FTO: variants seen among roughly 807,000 people sequenced by gnomAD.
The protein encoded by FTO is alpha-ketoglutarate-dependent dioxygenase FTO.
In FTO, 47 loss-of-function variants were observed where a neutral mutation model predicts 63.9. The ratio of observed to expected loss-of-function variants is 0.74; its 90% CI spans 0.58 to 0.94. FTO has a LOEUF of 0.94. Among genes scored for constraint, FTO ranks in the 40% least tolerant of loss-of-function variants. FTO has a pLI of 0.00. For synonymous variants in FTO, 207 were observed against 224.4 expected (o/e 0.92, Z 0.69); for missense variants, 562 against 618.1 (o/e 0.91, Z 0.96).
chr16:53,892,700 C>T (rs911590276), intron 7 of FTO, among the ~76,000 whole-genome samples: 1 of 152,066 alleles, frequency 6.6e-6, no homozygotes, highest in African/African-American at 2.4e-5. Flanking sequence ...AATAAAAAAC[C>T]TCAGGGAATA....
intron 1 of FTO, among the ~76,000 whole-genome samples, chr16:53,719,353 C>T (rs1298169032): frequency 6.6e-6 from 1 of 151,384 alleles, no homozygotes; most frequent in African/African-American, 2.4e-5. Flanking sequence ...TGCTTCAGCC[C>T]CCCGAGTAGC....
chr16:53,990,145 C>G (rs941421307), intron 8 of FTO, among the ~76,000 whole-genome samples: 1 of 152,012 alleles, frequency 6.6e-6, no homozygotes, highest in Non-Finnish European at 1.5e-5. Flanking sequence ...TGCAGGGGGT[C>G]GAGTGCCCCA....
rs2082513578 is a variant in FTO, at chr16:53,940,893, TCCCA to T, written c.1364+6785_1364+6788del. 1.7e-4 allele frequency among the ~76,000 whole-genome samples: 8 copies of T among 47,770 alleles called. No homozygotes were observed. In the Admixed American group the frequency reaches 1.8e-3, roughly 10 times the overall value. 31.3% of individuals were successfully genotyped at this position (47,770 alleles called of 152,430 possible). Reference sequence around the variant, plus strand: ...TTTCTATTCTCTGTGACCCCAGCCATCCCATCACCACCTACCCCCAGAATGGATC... The same window carrying T: ...TTTCTATTCTCTGTGACCCCAGCCATTCACCACCTACCCCCAGAATGGATC... On this transcript the variant is annotated intron_variant, in intron 8 of 8. Coordinates refer to ENST00000471389, the MANE Select transcript of FTO (RefSeq NM_001080432.3).
At chr16:53,891,301 G>GT (rs140490547) in intron 7 of FTO, among the ~76,000 whole-genome samples, 6,155 of 149,828 alleles carry the variant, frequency 0.041, 176 homozygotes, top group Middle Eastern at 0.09. Flanking sequence ...CCTTGATTTT[G>GT]TTTTTTAAAA....
chr16:53,750,909 C>G (rs572348734), intron 1 of FTO, among the ~76,000 whole-genome samples: 1 of 152,156 alleles, frequency 6.6e-6, no homozygotes, highest in East Asian at 1.9e-4. Flanking sequence ...AAACAAATTA[C>G]GAAGGTTGTA....
At chr16:53,775,621 G>A (rs1258312604) in intron 1 of FTO, among the ~76,000 whole-genome samples, 1 of 152,084 alleles carries the variant, frequency 6.6e-6, no homozygotes, top group Non-Finnish European at 1.5e-5. Flanking sequence ...TTGACTTTCA[G>A]GACCTTCCAT....
chr16:53,824,358 T>G (rs1280816413), intron 2 of FTO, among the ~76,000 whole-genome samples: 1 of 152,212 alleles, frequency 6.6e-6, no homozygotes, highest in Non-Finnish European at 1.5e-5. Context: ...GGTCTGTCTT[T>G]CTGGGAAGCA....
intron 7 of FTO, among the ~76,000 whole-genome samples, chr16:53,932,004 G>A (rs1050866555): frequency 2.6e-5 from 4 of 152,236 alleles, no homozygotes; most frequent in Admixed American, 2.0e-4. Context: ...TCTGAATAGT[G>A]CGTGCCTTTT....
chr16:53,810,178 C>G lies in FTO; in HGVS notation c.84C>G (p.Leu28=). ...RLLEELEDTW[L]PYLTPKDDEF... ...TTGAAGAGCTTGAAGACACTTGGCT[C>G]CCTTATCTGACCCCCAAAGATGATG... The change falls in exon 2 of 9, where the codon CTC becomes CTG. Residue 28 remains leucine (L), a synonymous_variant. Coordinates refer to ENST00000471389, the MANE Select transcript of FTO (RefSeq NM_001080432.3). The G allele has an allele frequency of 6.2e-7, 1 of 1,611,666 alleles. No homozygotes were observed. The highest frequency in any genetic ancestry group is 8.5e-7 in the Non-Finnish European group (1 of 1,178,344).
At chr16:53,751,960 A>T (rs1233644328) in intron 1 of FTO, among the ~76,000 whole-genome samples, 1 of 152,194 alleles carries the variant, frequency 6.6e-6, no homozygotes, top group Non-Finnish European at 1.5e-5. Context: ...AACAAAATTG[A>T]CTTATAGTCA....
chr16:54,011,432 C>A (rs1567515493), intron 8 of FTO, among the ~76,000 whole-genome samples: 1 of 152,132 alleles, frequency 6.6e-6, no homozygotes, highest in Non-Finnish European at 1.5e-5. Flanking sequence ...GAAAGCAGGA[C>A]CCTATATCTA....
rs545233305 is a variant in FTO, at chr16:53,876,419, G to GA, written c.975+2561dup. ...GACATCAAAAGCATAAACAACTGAA[G>GA]AAAAAAACAGATAAATTGGCCTTCA... On this transcript the variant is annotated intron_variant, in intron 5 of 8. Transcript: ENST00000471389. 2.5e-3 allele frequency among the ~76,000 whole-genome samples: 378 copies of GA among 152,036 alleles called. 2 individuals are homozygous for GA. The highest frequency in any genetic ancestry group is 8.3e-3 in the African/African-American group (344 of 41,484).
chr16:53,916,438 A>G (rs1342616639), intron 7 of FTO, among the ~76,000 whole-genome samples: 1 of 152,252 alleles, frequency 6.6e-6, no homozygotes, highest in Non-Finnish European at 1.5e-5. Context: ...AATTAAAAAA[A>G]TAAATTTGTA....
At chr16:54,051,368 G>A (rs183862840) in intron 8 of FTO, among the ~76,000 whole-genome samples, 17 of 152,338 alleles carry the variant, frequency 1.1e-4, no homozygotes, top group Non-Finnish European at 2.2e-4. Context: ...TAGCTGCCTA[G>A]CCAGTGCACG....
rs1599144506 is a variant in FTO at position 53,984,813 on chromosome 16, T to G, written c.1364+50704T>G. ...CTAAGTCAGTGATATTGGGATATGA[T>G]TATTTTAATTATTTTAATATTGATT... On this transcript the variant is annotated intron_variant, in intron 8 of 8. Coordinates refer to ENST00000471389, the MANE Select transcript of FTO (RefSeq NM_001080432.3). 4 of 409,700 alleles carry G rather than the reference T, an allele frequency of 9.8e-6. No homozygotes were observed. The East Asian group carries it at 2.8e-4, about 29-fold the overall frequency. 25.4% of individuals were successfully genotyped at this position (409,700 alleles called of 1,614,324 possible).
chr16:53,844,790 G>C (rs986826489), intron 4 of FTO, among the ~76,000 whole-genome samples: 3 of 152,074 alleles, frequency 2.0e-5, no homozygotes, highest in Non-Finnish European at 2.9e-5. Flanking sequence ...CTACATAGAT[G>C]CAGAGTTCCT....
chr16:53,805,326 C>G (rs910630211), intron 1 of FTO, among the ~76,000 whole-genome samples: 2 of 152,008 alleles, frequency 1.3e-5, no homozygotes, highest in African/African-American at 4.8e-5. Context: ...AACCATATCT[C>G]TATGTGACAA....
intron 8 of FTO, among the ~76,000 whole-genome samples, chr16:54,082,098 C>T (rs2086161631): frequency 6.6e-6 from 1 of 152,182 alleles, no homozygotes; most frequent in South Asian, 2.1e-4. Flanking sequence ...CAGTCAGATT[C>T]TCCTACTTAA....
intron 8 of FTO, among the ~76,000 whole-genome samples, chr16:54,077,280 G>T (rs2086021765): frequency 6.6e-6 from 1 of 152,158 alleles, no homozygotes; most frequent in Non-Finnish European, 1.5e-5. Flanking sequence ...GCAATATACT[G>T]TCCTAGGAAA....
Sources: gnomAD v4.1 joint callset for allele counts (sites outside exome capture counted in the v4.1 genomes callset) on GRCh38, gnomAD v4.1.1 for gene constraint, MANE v1.5 for transcripts, NCBI Gene and HGNC (gene_info 2026-07-23, HGNC 2026-07-21) for gene names.